The following C11orf91 variants were observed in gnomAD, a reference collection of about 807,000 sequenced individuals.
C11orf91 encodes chromosome 11 open reading frame 91, also known as uncharacterized protein C11orf91.
Under a neutral mutation model 14.3 loss-of-function variants are expected in C11orf91, and 10 were observed. That is an observed-to-expected ratio of 0.70 (90% CI 0.43 to 1.18). C11orf91 has a LOEUF of 1.18. Among genes scored for constraint, C11orf91 ranks in the 50% most tolerant of loss-of-function variants. The probability of loss-of-function intolerance (pLI) is 0.00; values close to 1 mark genes in which losing one functional copy is unlikely to be tolerated. For missense variants in C11orf91, 236 were observed against 269.0 expected (o/e 0.88, Z 0.86); for synonymous variants, 141 against 130.6 (o/e 1.08, Z -0.54).
upstream of C11orf91, among the ~76,000 whole-genome samples, chr11:33,702,459 T>TAAATA (rs1219171332): frequency 7.2e-5 from 11 of 152,014 alleles, no homozygotes; most frequent in African/African-American, 1.7e-4. Context: ...TGTCTCAAAA[T>TAAATA]AAATAAAATA....
chr11:33,704,997 G>C (rs1445702066), upstream of C11orf91: 1 of 152,246 alleles, frequency 6.6e-6, no homozygotes, highest in East Asian at 1.9e-4. Flanking sequence ...ATGCAGAGCA[G>C]CCTTTATTCT....
In C11orf91 at chr11:33,700,710, G is replaced by A. The variant is rs1245277778; in HGVS notation, c.31C>T (p.Pro11Ser). The stretch of plus-strand genomic sequence containing the variant: ...GGAGCCGACCGCTGGCTCATGGTGG[G>A]GCTGTGGCTGCCGCGCCGCCCCTTT... Reference protein sequence around the residue: MPKGRRGSHSPTMSQRSAPPL... With the variant: MPKGRRGSHSSTMSQRSAPPL... The change falls in exon 1 of 2, where the codon CCC becomes TCC. Residue 11 changes from proline to serine, a missense_variant. By Grantham distance (74) the Pro-to-Ser change is moderately conservative (BLOSUM62 -1). Coordinates refer to ENST00000379011, the MANE Select transcript of C11orf91 (RefSeq NM_001166692.2). 5.0e-6 allele frequency: 7 copies of A among 1,394,186 alleles called. No individual in the cohort carries two copies. The highest frequency in any genetic ancestry group is 3.0e-5 in the African/African-American group (2 of 67,280). 86.4% of individuals were successfully genotyped at this position (1,394,186 alleles called of 1,614,324 possible).
chr11:33,699,987 C>A (rs1257834291), intron 1 of C11orf91, among the ~76,000 whole-genome samples: 1 of 150,918 alleles, frequency 6.6e-6, no homozygotes, highest in Admixed American at 6.6e-5. Context: ...GGCTCAGAGT[C>A]CAGATGACCC....
At chr11:33,701,983 T>G (rs1253434353), upstream of C11orf91, among the ~76,000 whole-genome samples, 1 of 152,164 alleles carries the variant, frequency 6.6e-6, no homozygotes. Context: ...CAGCTGTCCC[T>G]ACTAAGGGGC....
chr11:33,702,459 TAAATA>T (rs1219171332), upstream of C11orf91, among the ~76,000 whole-genome samples: 17 of 152,132 alleles, frequency 1.1e-4, no homozygotes, highest in East Asian at 1.5e-3. Flanking sequence ...TGTCTCAAAA[TAAATA>T]AAATAAAATA....
upstream of C11orf91, chr11:33,704,826 G>C (rs1354748469): frequency 1.3e-5 from 2 of 152,568 alleles, no homozygotes. Context: ...GCAGGAGGCT[G>C]GCTCTGACAG....
At chr11:33,700,011 C>T (rs831615) in intron 1 of C11orf91, among the ~76,000 whole-genome samples, 143,270 of 152,168 alleles carry the variant, frequency 0.94, 67,521 homozygotes, top group East Asian at 1. Context: ...GGGTTTAGGA[C>T]GGAGGGAGGA....
chr11:33,704,893 C>T (rs1472095852), upstream of C11orf91: 1 of 152,592 alleles, frequency 6.6e-6, no homozygotes, highest in Non-Finnish European at 1.5e-5. Context: ...CCAGAACAGT[C>T]TTTCCTTTAT....
Position 33,700,453 on chromosome 11 carries a change from G to GGAGGGCCAGGGC in C11orf91, c.276_287dup (p.Pro93_Ser96dup). ...GCTCGTAGGGGATGGAGGCCAGGCC[G>GGAGGGCCAGGGC]GAGGGCCAGGGCGAGGGCCAGGGGC... On this transcript the variant is annotated inframe_insertion, in exon 1 of 2. Transcript: ENST00000379011. 2 of 1,476,884 alleles carry GGAGGGCCAGGGC rather than the reference G, an allele frequency of 1.4e-6. No individual in the cohort carries two copies. Among genetic ancestry groups the GGAGGGCCAGGGC allele is most frequent in the East Asian group, 2.6e-5 (1 of 38,308 alleles). 91.5% of individuals were successfully genotyped at this position (1,476,884 alleles called of 1,614,324 possible). A position where few individuals can be genotyped will look rare whatever the true frequency, so the allele number is the denominator to read the frequency against.
chr11:33,703,436 C>T (rs1423839906), upstream of C11orf91: 1 of 152,212 alleles, frequency 6.6e-6, no homozygotes, highest in African/African-American at 2.4e-5. Flanking sequence ...CCCTGGGCTC[C>T]AAAGCACTAT....
chr11:33,701,918 G>C (rs990482537), upstream of C11orf91, among the ~76,000 whole-genome samples: 3 of 151,864 alleles, frequency 2.0e-5, no homozygotes, highest in Non-Finnish European at 4.4e-5. Flanking sequence ...ACAGAAGACG[G>C]AACAGTGTGT....
At position 33,700,599 on chromosome 11, in the gene C11orf91, G is replaced by A; in HGVS notation, c.142C>T (p.Pro48Ser). 2.0e-6 allele frequency: 3 copies of A among 1,467,346 alleles called. No homozygotes were observed. Among genetic ancestry groups the A allele is most frequent in the Middle Eastern group, 2.3e-4 (1 of 4,432 alleles). The allele number at this position is 1,467,346 out of a possible 1,614,324, so 90.9% of individuals were successfully genotyped here. ...DFNIWKKLFVPLKAGGAPVGG... is the reference protein window; with the variant it reads ...DFNIWKKLFVSLKAGGAPVGG... ...ACTGGCGCCCCGCCCGCCTTCAGCGGCACGAAGAGCTTCTTCCAGATGTTG... is the reference window on the plus strand; with the variant it reads ...ACTGGCGCCCCGCCCGCCTTCAGCGACACGAAGAGCTTCTTCCAGATGTTG... Residue 48 changes from proline (P) to serine (S), a missense_variant, in exon 1 of 2, where the codon CCG becomes TCG. Pro to Ser is a moderately conservative substitution (Grantham distance 74). Coordinates refer to ENST00000379011, the MANE Select transcript of C11orf91 (RefSeq NM_001166692.2).
chr11:33,699,605 G>A, intron 1 of C11orf91: 2 of 456,306 alleles, frequency 4.4e-6, no homozygotes, highest in South Asian at 3.1e-5. Context: ...AGCACACGTG[G>A]TCCAGAGCCC....
chr11:33,700,434 A>C lies in C11orf91; in HGVS notation c.307T>G (p.Tyr103Asp). 1 of 1,296,766 alleles carries C rather than the reference A, an allele frequency of 7.7e-7. No individual in the cohort carries two copies. Among genetic ancestry groups the C allele is most frequent in the Non-Finnish European group, 1.0e-6 (1 of 1,003,402 alleles). The allele number at this position is 1,296,766 out of a possible 1,614,324, so 80.3% of individuals were successfully genotyped here. A position where few individuals can be genotyped will look rare whatever the true frequency, so the allele number is the denominator to read the frequency against. ...GAGTAGAAGAAGCGCAGAGGCTCGT[A>C]GGGGATGGAGGCCAGGCCGGAGGGC... ...PWPSGLASIPYEPLRFFYSPP... is the reference protein window; with the variant it reads ...PWPSGLASIPDEPLRFFYSPP... The change falls in exon 1 of 2, where the codon TAC becomes GAC. Residue 103 changes from tyrosine to aspartate, a missense_variant. Physicochemically the swap from Tyr to Asp is radical, Grantham distance 160. Coordinates refer to ENST00000379011, the MANE Select transcript of C11orf91 (RefSeq NM_001166692.2).
rs963714655 is a variant in C11orf91, at chr11:33,698,641, G to A, written c.497-127C>T. ...AAACTCCATTTGTGATCCAAGATGG[G>A]AGAGAAAAAAACAAAAAACTGAAAA... On this transcript the variant is annotated intron_variant, in intron 1 of 1. Transcript: ENST00000379011. The A allele has an allele frequency of 3.4e-5, 23 of 667,288 alleles. No individual in the cohort carries two copies. The African/African-American group carries it at 3.5e-4, about 10-fold the overall frequency. The allele number at this position is 667,288 out of a possible 1,614,324, so 41.3% of individuals were successfully genotyped here. A position where few individuals can be genotyped will look rare whatever the true frequency, so the allele number is the denominator to read the frequency against.
At position 33,700,429 on chromosome 11, in the gene C11orf91, C is replaced by T. The variant is rs957331250; in HGVS notation, c.312G>A (p.Glu104=). ...WPSGLASIPY[E]PLRFFYSPPP... is the part of the protein sequence containing the mutation. ...GCGGTGAGTAGAAGAAGCGCAGAGG[C>T]TCGTAGGGGATGGAGGCCAGGCCGG... The change falls in exon 1 of 2, where the codon GAG becomes GAA. Residue 104 remains glutamate (E), a synonymous_variant. Coordinates refer to ENST00000379011, the MANE Select transcript of C11orf91 (RefSeq NM_001166692.2). 4 of 1,512,400 alleles carry T rather than the reference C, an allele frequency of 2.6e-6. No individual in the cohort carries two copies. In the African/African-American group the frequency reaches 5.6e-5, roughly 21 times the overall value. 93.7% of individuals were successfully genotyped at this position (1,512,400 alleles called of 1,614,324 possible). A position where few individuals can be genotyped will look rare whatever the true frequency, so the allele number is the denominator to read the frequency against.
chr11:33,703,873 G>T (rs1000917536), upstream of C11orf91: 2 of 152,250 alleles, frequency 1.3e-5, no homozygotes, highest in South Asian at 4.1e-4. Flanking sequence ...CTATTTAACC[G>T]AGGCTGACTC....
At chr11:33,699,790 C>A (rs949328165) in intron 1 of C11orf91, among the ~76,000 whole-genome samples, 1 of 152,228 alleles carries the variant, frequency 6.6e-6, no homozygotes, top group Non-Finnish European at 1.5e-5. Context: ...CCCACCTCCC[C>A]CTACAGACAA....
Position 33,700,696 on chromosome 11 carries a change from C to T in C11orf91, c.45G>A (p.Gln15=). 1 of 1,430,838 alleles carries T rather than the reference C, an allele frequency of 7.0e-7. No individual in the cohort carries two copies. The allele number at this position is 1,430,838 out of a possible 1,614,324, so 88.6% of individuals were successfully genotyped here. A position where few individuals can be genotyped will look rare whatever the true frequency, so the allele number is the denominator to read the frequency against. ...GGAAATAGAGGGGCGGAGCCGACCG[C>T]TGGCTCATGGTGGGGCTGTGGCTGC... ...RRGSHSPTMS[Q]RSAPPLYFPS... Residue 15 remains glutamine, a synonymous_variant, in exon 1 of 2, where the codon CAG becomes CAA. Coordinates refer to ENST00000379011, the MANE Select transcript of C11orf91 (RefSeq NM_001166692.2).
Sources: gnomAD v4.1 joint callset for allele counts (sites outside exome capture counted in the v4.1 genomes callset) on GRCh38, gnomAD v4.1.1 for gene constraint, MANE v1.5 for transcripts, NCBI Gene and HGNC (gene_info 2026-07-23, HGNC 2026-07-21) for gene names.